NPAS1: variants seen among roughly 807,000 people sequenced by gnomAD.
The protein encoded by NPAS1 is neuronal PAS domain protein 1.
In NPAS1, 29 loss-of-function variants were observed where a neutral mutation model predicts 49.2. The ratio of observed to expected loss-of-function variants is 0.59; its 90% confidence interval spans 0.44 to 0.80. The LOEUF (loss-of-function observed/expected upper bound fraction) is 0.80. NPAS1 is among the 30% of genes least tolerant of loss of function. The pLI is 0.00. For synonymous variants in NPAS1, 408 were observed against 380.4 expected (o/e 1.07, Z -0.84); for missense variants, 825 against 835.5 (o/e 0.99, Z 0.15).
Position 47,039,133 on chromosome 19 carries a change from C to A in NPAS1, c.786C>A (p.Val262=). The A allele has an allele frequency of 6.2e-7, 1 of 1,611,366 alleles. No homozygotes were observed. Among genetic ancestry groups the A allele is most frequent in the South Asian group, 1.1e-5 (1 of 90,616 alleles). The change falls in exon 7 of 12, where the codon GTC becomes GTA. Residue 262 remains valine, a synonymous_variant. Transcript: ENST00000602212. ...CGCTCACCAAGAGGGGGCTGCACGT[C>A]AAGGCCTCAGGGTACAAGGTGGGTG... ...KSTLTKRGLH[V]KASGYKVIHV...
chr19:47,039,377 C>A (rs916886371), intron 7 of NPAS1, 30 bp from the exon 8 acceptor site: 1 of 1,610,146 alleles, frequency 6.2e-7, no homozygotes, highest in Non-Finnish European at 8.5e-7. Flanking sequence ...CCCGCCTTGT[C>A]CCTCCTCCAA....
chr19:47,030,073 G>T (rs1201931004), intron 3 of NPAS1, among the ~76,000 whole-genome samples: 1 of 152,110 alleles, frequency 6.6e-6, no homozygotes, highest in Non-Finnish European at 1.5e-5. Context: ...ACCCAGGATG[G>T]AGTGCAGTGG....
Position 47,039,124 on chromosome 19 carries a change from G to C in NPAS1, c.777G>C (p.Gly259=). The change falls in exon 7 of 12, where the codon GGG becomes GGC. Residue 259 remains glycine, a synonymous_variant. Coordinates refer to ENST00000602212, the MANE Select transcript of NPAS1 (RefSeq NM_002517.4). ...VRMKSTLTKR[G]LHVKASGYKV... The stretch of plus-strand genomic sequence containing the variant: ...TGAAATCCACGCTCACCAAGAGGGG[G>C]CTGCACGTCAAGGCCTCAGGGTACA... 4 of 1,612,834 alleles carry C rather than the reference G, an allele frequency of 2.5e-6. No homozygotes were observed. The highest frequency in any genetic ancestry group is 1.7e-4 in the Middle Eastern group (1 of 6,050).
rs367645515 is a variant in NPAS1, at chr19:47,040,519, C to T, written c.1038C>T (p.Asp346=). ...GCTACCAGTTTGTCCACGGACAGGACGCCACGAGGATCCGCCAGAGCCACG... is the reference window on the plus strand; with the variant it reads ...GCTACCAGTTTGTCCACGGACAGGATGCCACGAGGATCCGCCAGAGCCACG... ...RSCYQFVHGQ[D]ATRIRQSHVD... is the part of the protein sequence containing the mutation. The change falls in exon 9 of 12, where the codon GAC becomes GAT. Residue 346 remains aspartate, a synonymous_variant. Coordinates refer to ENST00000602212, the MANE Select transcript of NPAS1 (RefSeq NM_002517.4). 144 of 1,597,540 alleles carry T rather than the reference C, an allele frequency of 9.0e-5. No homozygotes were observed. The highest frequency in any genetic ancestry group is 1.9e-4 in the South Asian group (17 of 88,220).
At position 47,045,175 on chromosome 19, in the gene NPAS1, C is replaced by T; in HGVS notation, c.1313-16C>T. ...GCTGGGGACACACACAGGCCCTCAG[C>T]ATCTTCCTCTTCCAGAGCCGGAGCC... On this transcript the variant is annotated splice_polypyrimidine_tract_variant and intron_variant, in intron 11 of 11. Coordinates refer to ENST00000602212, the MANE Select transcript of NPAS1 (RefSeq NM_002517.4). The T allele has an allele frequency of 6.2e-7, 1 of 1,610,694 alleles. No individual in the cohort carries two copies. Among genetic ancestry groups the T allele is most frequent in the Non-Finnish European group, 8.5e-7 (1 of 1,178,636 alleles).
intron 3 of NPAS1, among the ~76,000 whole-genome samples, chr19:47,030,694 C>T (rs1239988193): frequency 7.6e-6 from 1 of 131,184 alleles, no homozygotes; most frequent in African/African-American, 3.0e-5. Context: ...CACTCTGTCG[C>T]CCAGGCTGCA....
chr19:47,023,861 C>T (rs986777347), intron 3 of NPAS1, among the ~76,000 whole-genome samples: 2 of 152,136 alleles, frequency 1.3e-5, no homozygotes, highest in African/African-American at 4.8e-5. Flanking sequence ...AATCCCAGCA[C>T]TTTGGGAGGC....
Position 47,021,784 on chromosome 19 carries a change from C to T in NPAS1, c.295C>T (p.Arg99Trp). ...RLSVTYLRLR[R>W]FAALGAPPWG... ...CAGCGTCACCTACCTCCGCCTGCGC[C>T]GGTTCGCCGCGCTGGGGGCGCCGCC... The change falls in exon 3 of 12, where the codon CGG becomes TGG. Residue 99 changes from arginine to tryptophan, a missense_variant. Arg to Trp is a moderately radical substitution (Grantham distance 101). Transcript: ENST00000602212. This position sits in a 1 kb window ranked among gnomAD's most constrained non-coding sequence, Gnocchi z 5.7. 6.5e-7 allele frequency: 1 copy of T among 1,532,566 alleles called. No homozygotes were observed. Among genetic ancestry groups the T allele is most frequent in the Non-Finnish European group, 8.8e-7 (1 of 1,140,572 alleles). The allele number at this position is 1,532,566 out of a possible 1,614,324, so 94.9% of individuals were successfully genotyped here.
At chr19:47,020,665 C>G (rs1253294306) in intron 1 of NPAS1, among the ~76,000 whole-genome samples, 1 of 151,760 alleles carries the variant, frequency 6.6e-6, no homozygotes, top group African/African-American at 2.4e-5. Context: ...GCCCCCCGCC[C>G]GGCTTGGGCA....
intron 3 of NPAS1, among the ~76,000 whole-genome samples, chr19:47,025,694 G>A (rs1277218862): frequency 6.6e-6 from 1 of 151,974 alleles, no homozygotes; most frequent in East Asian, 1.9e-4. Context: ...TCTCACTTCA[G>A]CCTTCCAAGT....
chr19:47,023,109 C>G (rs1274312937), intron 3 of NPAS1, among the ~76,000 whole-genome samples: 1 of 152,238 alleles, frequency 6.6e-6, no homozygotes, highest in Admixed American at 6.5e-5. Context: ...CAATAAATCA[C>G]CATTTAAATT....
intron 1 of NPAS1, chr19:47,020,755 C>CGCGGGCGTGAG (rs1308598184): frequency 1.0e-5 from 2 of 197,076 alleles, no homozygotes; most frequent in Non-Finnish European, 1.0e-5. Flanking sequence ...GCCGGCCCGG[C>CGCGGGCGTGAG]GCGGGCGTGA....
intron 7 of NPAS1, 32 bp downstream of exon 7, chr19:47,039,183 A>G: frequency 1.3e-6 from 2 of 1,562,818 alleles, no homozygotes; most frequent in Non-Finnish European, 8.7e-7. Context: ...CCTGTATTCC[A>G]GGCAGCCATG....
intron 6 of NPAS1, among the ~76,000 whole-genome samples, chr19:47,038,784 G>A (rs967368509): frequency 2.6e-5 from 4 of 151,900 alleles, no homozygotes; most frequent in African/African-American, 9.7e-5. Context: ...CCAAGATTGC[G>A]CCATTCACTC....
Position 47,028,703 on chromosome 19 carries a change from C to T in NPAS1, c.359-3575C>T, listed in dbSNP as rs148824079. Among the ~76,000 whole-genome samples the T allele has an allele frequency of 3.2e-3, 480 of 152,226 alleles. 5 individuals carry two copies. The highest frequency in any genetic ancestry group is 0.011 in the African/African-American group (456 of 41,524). ...AGGGCACACAGCCAGGGAGGGGAAG[C>T]GCTGGGGCCTGACAGGAGACCTGGC... On this transcript the variant is annotated intron_variant, in intron 3 of 11. Coordinates refer to ENST00000602212, the MANE Select transcript of NPAS1 (RefSeq NM_002517.4).
chr19:47,039,694 T>A, intron 8 of NPAS1, 130 bp downstream of exon 8: 1 of 1,022,610 alleles, frequency 9.8e-7, no homozygotes, highest in East Asian at 2.6e-5. Context: ...GGAACAGCAA[T>A]GGATGGGACA....
intron 5 of NPAS1, among the ~76,000 whole-genome samples, chr19:47,035,654 G>C (rs2056946257): frequency 6.6e-6 from 1 of 152,152 alleles, no homozygotes; most frequent in Non-Finnish European, 1.5e-5. Flanking sequence ...GGGTGGTAGT[G>C]AGTAAGCAGG....
chr19:47,021,656 C>A lies in NPAS1; in HGVS notation c.167C>A (p.Ser56Ter). 1 of 1,554,406 alleles carries A rather than the reference C, an allele frequency of 6.4e-7. No individual in the cohort carries two copies. The highest frequency in any genetic ancestry group is 8.7e-7 in the Non-Finnish European group (1 of 1,151,320). The change falls in exon 3 of 12, where the codon TCG becomes TAG. Residue 56 changes from serine (S) to a stop codon, truncating the protein, a stop_gained. Coordinates refer to ENST00000602212, the MANE Select transcript of NPAS1 (RefSeq NM_002517.4). LOFTEE classifies it high-confidence loss of function. This position sits in a 1 kb window ranked among gnomAD's most constrained non-coding sequence, Gnocchi z 5.7. The stretch of plus-strand genomic sequence containing the variant: ...GAGAAGTCCCGGAACGCGGCGCGCT[C>A]GCGGCGCGGGAAGGAGAACCTGGAG... Reference protein sequence around the residue: ...RKEKSRNAARSRRGKENLEFF... With the variant: ...RKEKSRNAAR
intron 4 of NPAS1, 25 bp from the exon 5 acceptor site, chr19:47,032,618 C>T (rs1364593816): frequency 1.2e-5 from 19 of 1,605,390 alleles, no homozygotes; most frequent in Non-Finnish European, 1.6e-5. Flanking sequence ...CTCTCCTTCC[C>T]CCTCCCTGTC....
Sources: allele counts gnomAD v4.1 joint callset (sites outside exome capture counted in the v4.1 genomes callset), GRCh38; gene constraint gnomAD v4.1.1; non-coding constraint Gnocchi (gnomAD v3.1); transcripts MANE v1.5; gene names NCBI Gene and HGNC (gene_info 2026-07-23, HGNC 2026-07-21).